The following SPTA1 variants were observed in gnomAD, a reference collection of about 807,000 sequenced individuals.
The protein encoded by SPTA1 is spectrin alpha, erythrocytic 1, also known as spectrin alpha chain, erythrocytic 1.
In SPTA1, 177 loss-of-function variants were observed where a neutral mutation model predicts 324.7. That is an observed-to-expected ratio of 0.55 (90% CI 0.48 to 0.62). SPTA1 has a LOEUF of 0.62. SPTA1 is among the 20% of genes least tolerant of loss of function. The pLI, the probability that SPTA1 is intolerant of heterozygous loss-of-function variation, is 0.00. For missense variants in SPTA1, 3,162 were observed against 2,883.6 expected (o/e 1.10, Z -2.21); for synonymous variants, 1,195 against 1,041.3 (o/e 1.15, Z -2.84).
rs1306592427 is a variant in SPTA1, at chr1:158,674,360, T to C, written c.1319A>G (p.Asn440Ser). 1 of 1,614,110 alleles carries C rather than the reference T, an allele frequency of 6.2e-7. No individual in the cohort carries two copies. Among genetic ancestry groups the C allele is most frequent in the Non-Finnish European group, 8.5e-7 (1 of 1,179,962 alleles). Residue 440 changes from asparagine (N) to serine (S), a missense_variant, in exon 10 of 52, where the codon AAT becomes AGT. Coordinates refer to ENST00000643759, the MANE Select transcript of SPTA1 (RefSeq NM_003126.4). ...CCGAACTTCATCAGAGGCTTCATGATTGGCATTCACGAGGTCTTGACCAGT... is the reference window on the plus strand; with the variant it reads ...CCGAACTTCATCAGAGGCTTCATGACTGGCATTCACGAGGTCTTGACCAGT... ...DETGQDLVNANHEASDEVREK... is the reference protein window; with the variant it reads ...DETGQDLVNASHEASDEVREK...
chr1:158,623,029 GCCGAGGCTT>G lies in SPTA1; in HGVS notation c.6065_6073del (p.Glu2022_Ser2024del). 1 of 1,614,198 alleles carries G rather than the reference GCCGAGGCTT, an allele frequency of 6.2e-7. No homozygotes were observed. The highest frequency in any genetic ancestry group is 1.1e-5 in the South Asian group (1 of 91,080). On this transcript the variant is annotated inframe_deletion, in exon 43 of 52. Transcript: ENST00000643759. ...CTCCAGCAATTTCTGTCTGTGGACT[GCCGAGGCTT>G]CCAGCAACTGTTCCCAGCGCTTCAG...
At chr1:158,654,585 A>T in intron 21 of SPTA1, 26 bp downstream of exon 21, 1 of 1,613,818 alleles carries the variant, frequency 6.2e-7, no homozygotes, top group Non-Finnish European at 8.5e-7. Flanking sequence ...CCACTTTTTG[A>T]TGGAAAGATT....
intron 45 of SPTA1, 29 bp from the exon 46 acceptor site, chr1:158,618,085 A>G: frequency 6.2e-7 from 1 of 1,605,712 alleles, no homozygotes; most frequent in Non-Finnish European, 8.5e-7. Flanking sequence ...AACAGGAATC[A>G]CATGAGAGAA....
intron 24 of SPTA1, among the ~76,000 whole-genome samples, chr1:158,650,430 T>A (rs138031023): frequency 1.3e-5 from 2 of 152,320 alleles, no homozygotes; most frequent in Middle Eastern, 3.4e-3. Flanking sequence ...AGAAAACTCA[T>A]CCTCACTGAC....
Position 158,638,095 on chromosome 1 carries a change from C to T in SPTA1, c.5127G>A (p.Leu1709=). Residue 1709 remains leucine, a synonymous_variant, in exon 36 of 52, where the codon TTG becomes TTA. Transcript: ENST00000643759. ...QELAAAHHEK[L]KEAYALFQFF... is the part of the protein sequence containing the mutation. ...ACTGGAACAAGGCATAGGCCTCTTT[C>T]AATTTTTCGTGGTGTGCAGCTGCCA... is the stretch of plus-strand genomic sequence containing the variant. 1 of 1,614,050 alleles carries T rather than the reference C, an allele frequency of 6.2e-7. No individual in the cohort carries two copies. Among genetic ancestry groups the T allele is most frequent in the Non-Finnish European group, 8.5e-7 (1 of 1,179,956 alleles).
chr1:158,656,789 T>G, intron 19 of SPTA1, 133 bp from the exon 20 acceptor site: 1 of 764,134 alleles, frequency 1.3e-6, no homozygotes, highest in Non-Finnish European at 2.2e-6. Flanking sequence ...TAAAGTTATT[T>G]TTAACCCTAA....
At position 158,645,235 on chromosome 1, in the gene SPTA1, C is replaced by G. The variant is rs1482367322; in HGVS notation, c.4147G>C (p.Ala1383Pro). The stretch of plus-strand genomic sequence containing the variant: ...AGGATCTTCTTGCGTTTTTCCCAAG[C>G]CTTCTCCAAATCATCTCTCTCTAGC... ...VKLERDDLEK[A>P]WEKRKKILDQ... Residue 1383 changes from alanine (A) to proline (P), a missense_variant, in exon 29 of 52, where the codon GCT becomes CCT. By Grantham distance (27) the Ala-to-Pro change is conservative. Coordinates refer to ENST00000643759, the MANE Select transcript of SPTA1 (RefSeq NM_003126.4). 1.9e-6 allele frequency: 3 copies of G among 1,613,982 alleles called. No individual in the cohort carries two copies. The highest frequency in any genetic ancestry group is 1.1e-5 in the South Asian group (1 of 91,076).
chr1:158,664,858 C>T (rs1378117589), intron 16 of SPTA1, among the ~76,000 whole-genome samples: 3 of 152,124 alleles, frequency 2.0e-5, no homozygotes, highest in East Asian at 3.9e-4. Context: ...CAGGATGCAC[C>T]AGGCGAGGGA....
chr1:158,624,151 C>T (rs544406325), intron 42 of SPTA1, among the ~76,000 whole-genome samples: 128 of 152,326 alleles, frequency 8.4e-4, no homozygotes, highest in African/African-American at 2.8e-3. Flanking sequence ...GGGGCAGAGT[C>T]CTCATGGAGA....
At chr1:158,684,778 A>G (rs1261445211) in intron 2 of SPTA1, among the ~76,000 whole-genome samples, 2 of 152,170 alleles carry the variant, frequency 1.3e-5, no homozygotes, top group East Asian at 1.9e-4. Flanking sequence ...TCAATAAGCA[A>G]TATCCTTGGT....
chr1:158,678,645 G>T, intron 5 of SPTA1, 111 bp from the exon 6 acceptor site: 1 of 1,318,478 alleles, frequency 7.6e-7, no homozygotes, highest in Non-Finnish European at 1.1e-6. Flanking sequence ...AGTGAAAACT[G>T]ACCATTGTAG....
rs576501472 is a variant in SPTA1 at position 158,648,802 on chromosome 1, T to C, written c.3570-149A>G. On this transcript the variant is annotated intron_variant, in intron 25 of 51. Coordinates refer to ENST00000643759, the MANE Select transcript of SPTA1 (RefSeq NM_003126.4). ...CCAATTATCATCATTGTTTTTTATG[T>C]GCTAGAAACTTAGGCTCATTTAATC... 161 of 833,730 alleles carry C rather than the reference T, an allele frequency of 1.9e-4. 2 individuals carry two copies. The East Asian group carries it at 4.3e-3, about 22-fold the overall frequency. The allele number at this position is 833,730 out of a possible 1,614,324, so 51.6% of individuals were successfully genotyped here. A position where few individuals can be genotyped will look rare whatever the true frequency, so the allele number is the denominator to read the frequency against.
intron 22 of SPTA1, among the ~76,000 whole-genome samples, chr1:158,652,901 A>G (rs907318698): frequency 1.3e-5 from 2 of 152,212 alleles, no homozygotes; most frequent in African/African-American, 2.4e-5. Flanking sequence ...GACTGGCAAC[A>G]TTCCTTTCCC....
intron 49 of SPTA1, 39 bp downstream of exon 49, chr1:158,614,214 G>T: frequency 1.4e-6 from 2 of 1,437,128 alleles, no homozygotes; most frequent in Non-Finnish European, 2.0e-6. Context: ...TGAATAATCT[G>T]AAAAACAAAG....
intron 41 of SPTA1, 123 bp downstream of exon 41, chr1:158,626,716 G>A: frequency 8.2e-7 from 1 of 1,217,394 alleles, no homozygotes; most frequent in Non-Finnish European, 1.2e-6. Flanking sequence ...AGAAAGGATA[G>A]GAATGGGTAG....
At chr1:158,614,201 T>C in intron 49 of SPTA1, 52 bp downstream of exon 49, 2 of 1,341,010 alleles carry the variant, frequency 1.5e-6, no homozygotes, top group Non-Finnish European at 2.1e-6. Flanking sequence ...TGTAGACTCA[T>C]TCTGAATAAT....
In SPTA1 at chr1:158,676,369, G is replaced by A. The variant is rs1247203296; in HGVS notation, c.958-74C>T. The A allele has an allele frequency of 2.7e-6, 4 of 1,508,058 alleles. No individual in the cohort carries two copies. In the African/African-American group the frequency reaches 4.2e-5, roughly 16 times the overall value. The allele number at this position is 1,508,058 out of a possible 1,614,324, so 93.4% of individuals were successfully genotyped here. ...CCCCTGGCAAAGCTTTGTGGGAGAG[G>A]TATAAAAAATCATATGAATAATAAT... On this transcript the variant is annotated intron_variant, in intron 7 of 51. Transcript: ENST00000643759.
At position 158,627,026 on chromosome 1, in the gene SPTA1, CAAAT is replaced by C; in HGVS notation, c.5665-23_5665-20del. ...GCAACACCTGTGAGAAGGGGAGAGA[CAAAT>C]ATATTTATAATGTGCAGGGCTGGAA... is the stretch of plus-strand genomic sequence containing the variant. On this transcript the variant is annotated intron_variant, in intron 40 of 51. Transcript: ENST00000643759. 1 of 1,613,254 alleles carries C rather than the reference CAAAT, an allele frequency of 6.2e-7. No individual in the cohort carries two copies. The highest frequency in any genetic ancestry group is 8.5e-7 in the Non-Finnish European group (1 of 1,179,486).
intron 43 of SPTA1, among the ~76,000 whole-genome samples, chr1:158,622,008 G>A (rs946796942): frequency 1.3e-5 from 2 of 152,280 alleles, no homozygotes; most frequent in East Asian, 1.9e-4. Flanking sequence ...GGGACTACAG[G>A]TGCCCGCCAC....
Sources: allele counts gnomAD v4.1 joint callset (sites outside exome capture counted in the v4.1 genomes callset), GRCh38; gene constraint gnomAD v4.1.1; transcripts MANE v1.5; gene names NCBI Gene and HGNC (gene_info 2026-07-23, HGNC 2026-07-21).